Variants in SDK1 observed in about 807,000 individuals in gnomAD.
SDK1 encodes the protein sidekick cell adhesion molecule 1, also known as protein sidekick-1.
Under a neutral mutation model 245.5 loss-of-function variants are expected in SDK1, and 157 were observed. The ratio of observed to expected loss-of-function variants is 0.64; its 90% confidence interval spans 0.56 to 0.73. The LOEUF (loss-of-function observed/expected upper bound fraction) is 0.73, where lower values mean the gene tolerates loss of function less well. SDK1 is among the 30% of genes least tolerant of loss of function. The probability of loss-of-function intolerance (pLI) is 0.00; values close to 1 mark genes in which losing one functional copy is unlikely to be tolerated. For missense variants in SDK1, 3,583 were observed against 3,002.3 expected, an observed-to-expected ratio of 1.19 and a Z score of -4.52; for synonymous variants, 1,647 against 1,278.5, an observed-to-expected ratio of 1.29 and a Z score of -6.15.
At chr7:4,049,302 C>T (rs746526528) in intron 17 of SDK1, 46 bp from the exon 18 acceptor site, 20 of 1,452,156 alleles carry the variant, frequency 1.4e-5, no homozygotes, top group Non-Finnish European at 1.7e-5. Context: ...CCCCATGGTC[C>T]CTCCTGCCAT....
At chr7:3,877,425 AC>A (rs58834619) in intron 5 of SDK1, among the ~76,000 whole-genome samples, 75 of 152,332 alleles carry the variant, frequency 4.9e-4, no homozygotes, top group African/African-American at 1.8e-3. Context: ...AGAGAGAACA[AC>A]CGTGTTCCCT....
intron 2 of SDK1, among the ~76,000 whole-genome samples, chr7:3,626,828 G>C (rs547188131): frequency 6.6e-6 from 1 of 152,132 alleles, no homozygotes; most frequent in Non-Finnish European, 1.5e-5. Context: ...CTCCCCCACT[G>C]AGAACTCAGA....
intron 1 of SDK1, among the ~76,000 whole-genome samples, chr7:3,447,876 G>A (rs747113029): frequency 6.6e-6 from 1 of 151,694 alleles, no homozygotes; most frequent in South Asian, 2.1e-4. Flanking sequence ...GGCTAATTTC[G>A]TATTTTTAGT....
At chr7:3,391,802 A>G (rs1042629517) in intron 1 of SDK1, among the ~76,000 whole-genome samples, 9 of 151,186 alleles carry the variant, frequency 6.0e-5, no homozygotes, top group Admixed American at 4.0e-4. Context: ...TAATTTTTGT[A>G]TTTTTTTGTA....
rs762130010 is a variant in SDK1, at chr7:4,011,131, C to T, written c.2279+18C>T. 1.6e-5 allele frequency: 25 copies of T among 1,611,962 alleles called. No individual in the cohort carries two copies. In the South Asian group the frequency reaches 2.5e-4, roughly 16 times the overall value. ...ACAAGCAGGTGCGTGAATCCCGCCC[C>T]AGGTGGGGGTGTGGAACAGCCGGGG... is the stretch of plus-strand genomic sequence containing the variant. On this transcript the variant is annotated intron_variant, in intron 15 of 44. Transcript: ENST00000404826.
chr7:3,580,425 G>A (rs982923198), intron 1 of SDK1, among the ~76,000 whole-genome samples: 13 of 152,108 alleles, frequency 8.5e-5, no homozygotes, highest in Non-Finnish European at 1.8e-4. Context: ...GAACAGTATG[G>A]TACTTGTACA....
chr7:3,537,054 A>G (rs1438930931), intron 1 of SDK1, among the ~76,000 whole-genome samples: 5 of 152,186 alleles, frequency 3.3e-5, no homozygotes, highest in Non-Finnish European at 7.3e-5. Context: ...TGAGTCTTTT[A>G]CCCACTGTAC....
intron 1 of SDK1, among the ~76,000 whole-genome samples, chr7:3,462,050 A>G (rs992291238): frequency 6.6e-6 from 1 of 152,142 alleles, no homozygotes; most frequent in Admixed American, 6.5e-5. Context: ...TTGCATTTAC[A>G]GCAAAGCTCC....
At chr7:4,139,663 ATGTGTGTG>A (rs746204966) in intron 28 of SDK1, among the ~76,000 whole-genome samples, 1 of 74,840 alleles carries the variant, frequency 1.3e-5, no homozygotes, top group African/African-American at 5.2e-5. Flanking sequence ...GTGTGTGTAT[ATGTGTGTG>A]TGTATATGTG....
chr7:3,314,482 A>T (rs1005763896), intron 1 of SDK1, among the ~76,000 whole-genome samples: 4 of 152,224 alleles, frequency 2.6e-5, no homozygotes, highest in African/African-American at 9.6e-5. Flanking sequence ...GCATACACAA[A>T]GAGGCAAGTG....
At chr7:4,259,939 G>A (rs528918294) in intron 44 of SDK1, among the ~76,000 whole-genome samples, 30 of 152,328 alleles carry the variant, frequency 2.0e-4, no homozygotes, top group Non-Finnish European at 8.8e-5. Flanking sequence ...CATAAAGTGG[G>A]AATTGTAACA....
intron 2 of SDK1, among the ~76,000 whole-genome samples, chr7:3,636,061 A>G (rs913265936): frequency 1.3e-5 from 2 of 152,206 alleles, no homozygotes; most frequent in African/African-American, 4.8e-5. Flanking sequence ...ATTTTTTAAT[A>G]CGATCAACAT....
intron 4 of SDK1, among the ~76,000 whole-genome samples, chr7:3,734,330 A>G (rs1330729432): frequency 6.6e-6 from 1 of 152,260 alleles, no homozygotes; most frequent in Non-Finnish European, 1.5e-5. Context: ...TGAAATCCAC[A>G]TGGACATACC....
chr7:3,467,587 A>T (rs557369906), intron 1 of SDK1, among the ~76,000 whole-genome samples: 1 of 152,054 alleles, frequency 6.6e-6, no homozygotes, highest in Non-Finnish European at 1.5e-5. Context: ...TAAAGTCAGT[A>T]TCTGTACTAA....
intron 4 of SDK1, among the ~76,000 whole-genome samples, chr7:3,644,615 A>G (rs1367192167): frequency 4.0e-5 from 6 of 151,518 alleles, no homozygotes; most frequent in African/African-American, 1.2e-4. Context: ...AATTAAAAAA[A>G]AATAGCTGGG....
At position 4,248,685 on chromosome 7, in the gene SDK1, C is replaced by T. The variant is rs188891537; in HGVS notation, c.6381+2880C>T. ...AAATAACTACACACCTGAATACATGCACACACATACATGCACACATGTACA... is the reference window on the plus strand; with the variant it reads ...AAATAACTACACACCTGAATACATGTACACACATACATGCACACATGTACA... On this transcript the variant is annotated intron_variant, in intron 44 of 44. Transcript: ENST00000404826. Among the ~76,000 whole-genome samples the T allele has an allele frequency of 4.8e-5, 7 of 145,958 alleles. No homozygotes were observed. In the Admixed American group the frequency reaches 4.8e-4, roughly 10 times the overall value.
chr7:3,473,928 T>C (rs961770230), intron 1 of SDK1, among the ~76,000 whole-genome samples: 2 of 152,030 alleles, frequency 1.3e-5, no homozygotes, highest in Non-Finnish European at 2.9e-5. Context: ...ATGTGGACTT[T>C]GGAGCCCAAA....
intron 1 of SDK1, among the ~76,000 whole-genome samples, chr7:3,486,600 T>C (rs1449037343): frequency 6.6e-6 from 1 of 152,136 alleles, no homozygotes; most frequent in African/African-American, 2.4e-5. Context: ...GTGCGCTTTA[T>C]TTGTTATGTA....
chr7:3,456,503 C>G (rs1780672119), intron 1 of SDK1, among the ~76,000 whole-genome samples: 2 of 152,154 alleles, frequency 1.3e-5, no homozygotes, highest in South Asian at 4.1e-4. Flanking sequence ...TTATTGAGCT[C>G]ATTCAGTGAG....
Sources: gnomAD v4.1 joint callset for allele counts (sites outside exome capture counted in the v4.1 genomes callset) on GRCh38, gnomAD v4.1.1 for gene constraint, MANE v1.5 for transcripts, NCBI Gene and HGNC (gene_info 2026-07-23, HGNC 2026-07-21) for gene names.